The following HTR1F variants were observed in gnomAD, a reference collection of about 807,000 sequenced individuals.
HTR1F encodes 5-hydroxytryptamine (serotonin) receptor 1F, G protein-coupled.
HTR1F carries 17 observed loss-of-function variants against 24.0 expected under a neutral mutation model. The observed-to-expected ratio is 0.71, with a 90% CI of 0.48 to 1.06. The LOEUF is 1.06. HTR1F is among the 50% of genes least tolerant of loss of function. The pLI, the probability that HTR1F is intolerant of heterozygous loss-of-function variation, is 0.00. For missense variants in HTR1F, 391 were observed against 427.8 expected (o/e 0.91, Z 0.76); for synonymous variants, 186 against 156.8 (o/e 1.19, Z -1.39).
intron 2 of HTR1F, among the ~76,000 whole-genome samples, chr3:87,916,681 C>T (rs965580275): frequency 1.3e-5 from 2 of 152,190 alleles, no homozygotes; most frequent in Middle Eastern, 3.4e-3. Context: ...ATATCACAAT[C>T]CTAAACATAT....
intron 2 of HTR1F, among the ~76,000 whole-genome samples, chr3:87,980,986 C>T (rs56323967): frequency 0.26 from 39,615 of 151,942 alleles, 5,716 homozygotes; most frequent in Non-Finnish European, 0.33. Context: ...TGGGGGGCTG[C>T]TGCTGCACCT....
chr3:87,824,111 TG>T (rs1339191056), intron 2 of HTR1F, among the ~76,000 whole-genome samples: 1 of 152,060 alleles, frequency 6.6e-6, no homozygotes, highest in Non-Finnish European at 1.5e-5. Flanking sequence ...GAATCCCCTA[TG>T]ATTTCTTACT....
At chr3:87,869,276 T>A (rs919839941) in intron 2 of HTR1F, among the ~76,000 whole-genome samples, 1 of 152,008 alleles carries the variant, frequency 6.6e-6, no homozygotes, top group African/African-American at 2.4e-5. Context: ...ATCTCCTAGT[T>A]TAATTATCAT....
chr3:87,803,633 C>T (rs1037245619), intron 1 of HTR1F, among the ~76,000 whole-genome samples: 10 of 152,050 alleles, frequency 6.6e-5, no homozygotes, highest in Non-Finnish European at 7.4e-5. Context: ...ATGTACAATT[C>T]GTGTTACAGT....
At chr3:87,945,031 T>TTTTGC (rs1271427254) in intron 2 of HTR1F, among the ~76,000 whole-genome samples, 1 of 152,066 alleles carries the variant, frequency 6.6e-6, no homozygotes, top group Non-Finnish European at 1.5e-5. Context: ...TTTTGTTTTG[T>TTTTGC]TTTGTTTTTT....
intron 2 of HTR1F, among the ~76,000 whole-genome samples, chr3:87,880,060 A>C (rs1705755145): frequency 6.6e-6 from 1 of 152,162 alleles, no homozygotes; most frequent in African/African-American, 2.4e-5. Context: ...TGAGTGCAAA[A>C]AGCCAGGCAC....
intron 2 of HTR1F, among the ~76,000 whole-genome samples, chr3:87,921,757 A>C (rs1704017193): frequency 6.6e-6 from 1 of 151,900 alleles, no homozygotes; most frequent in Non-Finnish European, 1.5e-5. Flanking sequence ...AGTAACAACT[A>C]TTCGAATCTC....
chr3:87,924,325 A>G (rs1353273860), intron 2 of HTR1F, among the ~76,000 whole-genome samples: 1 of 152,106 alleles, frequency 6.6e-6, no homozygotes, highest in Non-Finnish European at 1.5e-5. Flanking sequence ...TTGATAGGTT[A>G]AGACTTGTAT....
chr3:87,918,615 C>A (rs1164221865), intron 2 of HTR1F, among the ~76,000 whole-genome samples: 1 of 151,934 alleles, frequency 6.6e-6, no homozygotes, highest in Non-Finnish European at 1.5e-5. Context: ...AACTCAACCC[C>A]TTTTACAATA....
chr3:87,949,906 A>G (rs1403025717), intron 2 of HTR1F, among the ~76,000 whole-genome samples: 1 of 152,156 alleles, frequency 6.6e-6, no homozygotes, highest in Non-Finnish European at 1.5e-5. Context: ...GGCAACCTAT[A>G]AAGGAAAGAG....
At chr3:87,863,749 CA>C (rs1182443110) in intron 2 of HTR1F, among the ~76,000 whole-genome samples, 3 of 152,172 alleles carry the variant, frequency 2.0e-5, no homozygotes, top group Non-Finnish European at 4.4e-5. Flanking sequence ...GTAACAGTAG[CA>C]GCCCACTGCC....
intron 2 of HTR1F, among the ~76,000 whole-genome samples, chr3:87,912,491 C>G (rs1213805132): frequency 1.3e-5 from 2 of 151,804 alleles, no homozygotes; most frequent in Admixed American, 6.6e-5. Context: ...ACTGGCCATA[C>G]TGATCAAAGC....
chr3:87,927,982 G>A (rs934928778), intron 2 of HTR1F, among the ~76,000 whole-genome samples: 1 of 151,290 alleles, frequency 6.6e-6, no homozygotes, highest in Non-Finnish European at 1.5e-5. Context: ...CTTAACAAAT[G>A]ATTTCATAAA....
intron 1 of HTR1F, among the ~76,000 whole-genome samples, chr3:87,807,366 T>C (rs1004487727): frequency 6.6e-6 from 1 of 152,000 alleles, no homozygotes; most frequent in African/African-American, 2.4e-5. Context: ...TCCTAGGTAT[T>C]TTTTATTTTT....
intron 1 of HTR1F, among the ~76,000 whole-genome samples, chr3:87,820,919 T>C (rs1406220352): frequency 6.6e-6 from 1 of 152,120 alleles, no homozygotes; most frequent in Non-Finnish European, 1.5e-5. Flanking sequence ...TATGACTAAA[T>C]CAAAAGTCAG....
At chr3:87,909,202 G>T (rs773490007) in intron 2 of HTR1F, among the ~76,000 whole-genome samples, 11 of 152,068 alleles carry the variant, frequency 7.2e-5, no homozygotes, top group Middle Eastern at 6.8e-3. Flanking sequence ...CATATGGTGT[G>T]GAGTGGCTAT....
At chr3:87,971,392 A>T (rs1705282745) in intron 2 of HTR1F, among the ~76,000 whole-genome samples, 1 of 151,562 alleles carries the variant, frequency 6.6e-6, no homozygotes, top group South Asian at 2.1e-4. Flanking sequence ...ACATGATAAA[A>T]CCCCGTTTCT....
At chr3:87,847,709 C>T (rs1278843959) in intron 2 of HTR1F, among the ~76,000 whole-genome samples, 1 of 151,784 alleles carries the variant, frequency 6.6e-6, no homozygotes, top group East Asian at 1.9e-4. Flanking sequence ...GCCCACCCTT[C>T]CAAGTCTCTG....
At chr3:87,869,963 C>A (rs1705519684) in intron 2 of HTR1F, among the ~76,000 whole-genome samples, 1 of 152,070 alleles carries the variant, frequency 6.6e-6, no homozygotes, top group Non-Finnish European at 1.5e-5. Context: ...ATACAATTCT[C>A]AGTTTGCTAA....
Sources: allele counts gnomAD v4.1 joint callset (sites outside exome capture counted in the v4.1 genomes callset), GRCh38; gene constraint gnomAD v4.1.1; transcripts MANE v1.5; gene names NCBI Gene and HGNC (gene_info 2026-07-23, HGNC 2026-07-21).